The following SNX9 variants were observed in gnomAD, a reference collection of about 807,000 sequenced individuals.
SNX9 encodes sorting nexin-9.
SNX9 carries 44 observed loss-of-function variants against 89.4 expected under a neutral mutation model. The observed-to-expected ratio is 0.49, with a 90% CI of 0.39 to 0.63. The LOEUF (loss-of-function observed/expected upper bound fraction) is 0.63. Among genes scored for constraint, SNX9 ranks in the 30% least tolerant of loss-of-function variants. The probability of loss-of-function intolerance (pLI) is 0.00; values close to 1 mark genes in which losing one functional copy is unlikely to be tolerated. For synonymous variants in SNX9, 236 were observed against 247.8 expected (o/e 0.95, Z 0.45); for missense variants, 578 against 736.1 (o/e 0.79, Z 2.49).
chr6:157,897,309 G>A (rs1783000512), intron 5 of SNX9, among the ~76,000 whole-genome samples: 1 of 152,128 alleles, frequency 6.6e-6, no homozygotes, highest in Non-Finnish European at 1.5e-5. Flanking sequence ...ACTACTGTCA[G>A]TTTATTACAA....
intron 10 of SNX9, among the ~76,000 whole-genome samples, chr6:157,925,511 A>G (rs1783674082): frequency 6.6e-6 from 1 of 152,070 alleles, no homozygotes; most frequent in African/African-American, 2.4e-5. Flanking sequence ...GCACACAGAC[A>G]CCAGGAGACA....
At chr6:157,872,022 A>C (rs1160446583) in intron 2 of SNX9, among the ~76,000 whole-genome samples, 3 of 152,068 alleles carry the variant, frequency 2.0e-5, no homozygotes, top group Non-Finnish European at 4.4e-5. Context: ...GTGGTCAGAA[A>C]GTGACAAAAG....
intron 4 of SNX9, among the ~76,000 whole-genome samples, chr6:157,894,465 T>TAAAAAAA (rs1173887333): frequency 9.9e-6 from 1 of 100,732 alleles, no homozygotes; most frequent in African/African-American, 3.9e-5. Flanking sequence ...ATTTAAATGT[T>TAAAAAAA]AAAAAAAAAA....
At chr6:157,896,312 A>G (rs1263704364) in intron 4 of SNX9, among the ~76,000 whole-genome samples, 1 of 152,232 alleles carries the variant, frequency 6.6e-6, no homozygotes, top group East Asian at 1.9e-4. Context: ...TAAAAAGCCT[A>G]CTTAAAAATA....
intron 4 of SNX9, among the ~76,000 whole-genome samples, chr6:157,896,283 C>CAA (rs1463919378): frequency 1.3e-5 from 2 of 152,148 alleles, no homozygotes; most frequent in African/African-American, 4.8e-5. Context: ...TTTTATTATA[C>CAA]ATGTATTCCA....
chr6:157,886,261 C>T (rs1782733737), intron 4 of SNX9, among the ~76,000 whole-genome samples: 1 of 151,774 alleles, frequency 6.6e-6, no homozygotes, highest in East Asian at 1.9e-4. Flanking sequence ...TCCCAGTTCC[C>T]CAAGGATGTC....
At chr6:157,870,075 T>G (rs1262834246) in intron 2 of SNX9, among the ~76,000 whole-genome samples, 1 of 130,826 alleles carries the variant, frequency 7.6e-6, no homozygotes, top group Non-Finnish European at 1.6e-5. Flanking sequence ...CACACCCTCT[T>G]CACTCTCACT....
rs777806732 is a variant in SNX9, at chr6:157,906,125, T to C, written c.621-3T>C. 3 of 1,609,350 alleles carry C rather than the reference T, an allele frequency of 1.9e-6. No homozygotes were observed. Among genetic ancestry groups the C allele is most frequent in the Admixed American group, 3.4e-5 (2 of 59,116 alleles). On this transcript the variant is annotated splice_polypyrimidine_tract_variant and splice_region_variant and intron_variant, in intron 6 of 17. Transcript: ENST00000392185. ...ACTGATGAACATTTATATTCATGAT[T>C]AGATTTCCTGGATTTGCGAAACCTG...
At chr6:157,896,684 A>G in intron 4 of SNX9, 143 bp from the exon 5 acceptor site, 3 of 924,708 alleles carry the variant, frequency 3.2e-6, no homozygotes, top group Non-Finnish European at 5.1e-6. Flanking sequence ...TTAAAATATT[A>G]TGTATGTAAA....
At chr6:157,860,896 C>T (rs1180712458) in intron 1 of SNX9, among the ~76,000 whole-genome samples, 1 of 152,154 alleles carries the variant, frequency 6.6e-6, no homozygotes, top group Non-Finnish European at 1.5e-5. Flanking sequence ...CTAAGTATTT[C>T]TTGGGAATTT....
At chr6:157,888,280 G>A (rs1290025422) in intron 4 of SNX9, among the ~76,000 whole-genome samples, 1 of 152,088 alleles carries the variant, frequency 6.6e-6, no homozygotes, top group Non-Finnish European at 1.5e-5. Context: ...TTGTTTCTCT[G>A]GCTGTATGAC....
chr6:157,854,953 TA>T (rs538405265), intron 1 of SNX9, among the ~76,000 whole-genome samples: 29,227 of 129,110 alleles, frequency 0.23, 3,350 homozygotes, highest in African/African-American at 0.35. Flanking sequence ...AGGTTCATGT[TA>T]AAAAAAAAAA....
In SNX9 at chr6:157,931,737, G is replaced by A. The variant is rs925713153; in HGVS notation, c.1289-458G>A. Among the ~76,000 whole-genome samples, 18 of 152,224 alleles carry A rather than the reference G, an allele frequency of 1.2e-4. No individual in the cohort carries two copies. In the South Asian group the frequency reaches 1.2e-3, roughly 10 times the overall value. Reference sequence around the variant, plus strand: ...CCTGTAACAGAGTGGGAAAGGCTACGTATTTGGAATCACAAGTCCATGTCC... The same window carrying A: ...CCTGTAACAGAGTGGGAAAGGCTACATATTTGGAATCACAAGTCCATGTCC... On this transcript the variant is annotated intron_variant, in intron 12 of 17. Transcript: ENST00000392185.
chr6:157,919,904 G>GC (rs113035493), intron 9 of SNX9, among the ~76,000 whole-genome samples: 33,788 of 152,038 alleles, frequency 0.22, 3,842 homozygotes, highest in Non-Finnish European at 0.24. Flanking sequence ...TAAGTAACTT[G>GC]CCTAAGATTA....
intron 1 of SNX9, among the ~76,000 whole-genome samples, chr6:157,864,566 G>T (rs1200026721): frequency 3.3e-5 from 5 of 152,228 alleles, no homozygotes; most frequent in African/African-American, 1.2e-4. Flanking sequence ...ATTTCAGCAG[G>T]ATTCTTGAGG....
chr6:157,878,046 A>G (rs1583213252), intron 4 of SNX9, among the ~76,000 whole-genome samples: 1 of 152,170 alleles, frequency 6.6e-6, no homozygotes, highest in African/African-American at 2.4e-5. Flanking sequence ...TGTATAACCT[A>G]CTATGTAAGA....
At chr6:157,831,234 A>G (rs1187851342) in intron 1 of SNX9, among the ~76,000 whole-genome samples, 3 of 151,964 alleles carry the variant, frequency 2.0e-5, no homozygotes, top group Admixed American at 2.0e-4. Flanking sequence ...TTTTTCCTTG[A>G]GTTGCTTGTT....
intron 4 of SNX9, among the ~76,000 whole-genome samples, chr6:157,876,217 C>T (rs887940629): frequency 1.1e-4 from 16 of 152,020 alleles, no homozygotes; most frequent in East Asian, 1.9e-4. Flanking sequence ...TTTGGGAGGC[C>T]GAGGCGGGCG....
At chr6:157,873,970 G>T (rs537537088) in intron 3 of SNX9, 1 of 152,340 alleles carries the variant, frequency 6.6e-6, no homozygotes, top group African/African-American at 2.4e-5. Context: ...AAGGTTCTTG[G>T]TAAGCTTGTC....
Sources: allele counts gnomAD v4.1 joint callset (sites outside exome capture counted in the v4.1 genomes callset), GRCh38; gene constraint gnomAD v4.1.1; transcripts MANE v1.5; gene names NCBI Gene and HGNC (gene_info 2026-07-23, HGNC 2026-07-21).